ARHGEF17: variants seen among roughly 807,000 people sequenced by gnomAD.
The protein encoded by ARHGEF17 is 164 kDa Rho-specific guanine-nucleotide exchange factor.
In ARHGEF17, 80 loss-of-function variants were observed where a neutral mutation model predicts 174.0. The ratio of observed to expected loss-of-function variants is 0.46; its 90% CI spans 0.38 to 0.55. The LOEUF (loss-of-function observed/expected upper bound fraction) is 0.55, where lower values mean the gene tolerates loss of function less well. Ranked by LOEUF, ARHGEF17 falls within the 20% of genes least tolerant of loss-of-function variation. The pLI is 0.00. For missense variants in ARHGEF17, 2,886 were observed against 2,839.7 expected (o/e 1.02, Z -0.37); for synonymous variants, 1,311 against 1,189.1 (o/e 1.10, Z -2.11).
intron 2 of ARHGEF17, among the ~76,000 whole-genome samples, chr11:73,349,973 C>G (rs1865526523): frequency 6.6e-6 from 1 of 152,200 alleles, no homozygotes; most frequent in South Asian, 2.1e-4. Context: ...GGCTCCATCT[C>G]CTGGCCAGCT....
In ARHGEF17 at chr11:73,364,232, G is replaced by C. The variant is rs1404211422; in HGVS notation, c.5394G>C (p.Arg1798Ser). The C allele has an allele frequency of 6.2e-7, 1 of 1,614,154 alleles. No individual in the cohort carries two copies. The highest frequency in any genetic ancestry group is 1.6e-4 in the Middle Eastern group (1 of 6,062). ...ATGGAGAGCTTGTGGTCTACCAAAG[G>C]GAAGCAGGTGAGTATCTGCCCTCCC... is the stretch of plus-strand genomic sequence containing the variant. ...LANGELVVYQREAGHFWDPQN... is the reference protein window; with the variant it reads ...LANGELVVYQSEAGHFWDPQN... The change falls in exon 17 of 21, where the codon AGG becomes AGC. Residue 1798 changes from arginine (R) to serine (S), a missense_variant. Arg to Ser is a moderately radical substitution (Grantham distance 110). Coordinates refer to ENST00000263674, the MANE Select transcript of ARHGEF17 (RefSeq NM_014786.4).
intron 6 of ARHGEF17, 135 bp from the exon 7 acceptor site, chr11:73,356,574 G>A (rs1337000707): frequency 7.9e-6 from 10 of 1,265,488 alleles, no homozygotes; most frequent in Admixed American, 2.0e-5. Context: ...GGCAGCACAA[G>A]GGCATTGAGG....
chr11:73,363,430 G>GT lies in ARHGEF17; in HGVS notation c.5222dup (p.Trp1742ValfsTer5). ...CGACCCTGAGGCCTACCAGAGCTCC[G>GT]TGTGGCTGGGCACTGAGGATGGCTG... On this transcript the variant is annotated frameshift_variant, in exon 15 of 21. Transcript: ENST00000263674. LOFTEE classifies it high-confidence loss of function. 6.2e-7 allele frequency: 1 copy of GT among 1,613,194 alleles called. No homozygotes were observed. The highest frequency in any genetic ancestry group is 8.5e-7 in the Non-Finnish European group (1 of 1,179,810).
At position 73,367,941 on chromosome 11, in the gene ARHGEF17, AC is replaced by A; in HGVS notation, c.*164del. Reference sequence around the variant, plus strand: ...TTCGCGGAAGCATTCCTGATGGAACACCCACTGGCCAGCCAGGCCATGGCTT... The same window carrying A: ...TTCGCGGAAGCATTCCTGATGGAACACCACTGGCCAGCCAGGCCATGGCTT... On this transcript the variant is annotated 3_prime_UTR_variant, in exon 21 of 21. Transcript: ENST00000263674. The A allele has an allele frequency of 2.7e-6, 2 of 737,964 alleles. No homozygotes were observed. Among genetic ancestry groups the A allele is most frequent in the Non-Finnish European group, 4.2e-6 (2 of 475,252 alleles). The allele number at this position is 737,964 out of a possible 1,614,324, so 45.7% of individuals were successfully genotyped here. A position where few individuals can be genotyped will look rare whatever the true frequency, so the allele number is the denominator to read the frequency against.
At chr11:73,315,717 C>G (rs1030114455) in intron 1 of ARHGEF17, among the ~76,000 whole-genome samples, 1 of 152,108 alleles carries the variant, frequency 6.6e-6, no homozygotes, top group Non-Finnish European at 1.5e-5. Flanking sequence ...CACATCTCCT[C>G]CCAACTCCTT....
At chr11:73,352,570 T>C (rs1865571716) in intron 2 of ARHGEF17, among the ~76,000 whole-genome samples, 1 of 152,032 alleles carries the variant, frequency 6.6e-6, no homozygotes, top group Admixed American at 6.5e-5. Flanking sequence ...CAAGCTCTGT[T>C]TGTTCATACA....
chr11:73,362,608 G>T lies in ARHGEF17; in HGVS notation c.4870G>T (p.Gly1624Cys). ...GSGLEMTPGL[G>C]EGDPRPELVP... is the part of the protein sequence containing the mutation. ...GGGCTTGGAGATGACGCCGGGCCTCGGCGAGGGTGACCCCCGCCCAGAGCT... is the reference window on the plus strand; with the variant it reads ...GGGCTTGGAGATGACGCCGGGCCTCTGCGAGGGTGACCCCCGCCCAGAGCT... Residue 1624 changes from glycine to cysteine, a missense_variant, in exon 14 of 21, where the codon GGC becomes TGC. Gly to Cys is a radical substitution (Grantham distance 159). Transcript: ENST00000263674. 6.2e-7 allele frequency: 1 copy of T among 1,611,018 alleles called. No individual in the cohort carries two copies. Among genetic ancestry groups the T allele is most frequent in the South Asian group, 1.1e-5 (1 of 91,086 alleles).
chr11:73,367,635 G>T lies in ARHGEF17; in HGVS notation c.6047G>T (p.Gly2016Val). 1 of 1,613,974 alleles carries T rather than the reference G, an allele frequency of 6.2e-7. No homozygotes were observed. The highest frequency in any genetic ancestry group is 8.5e-7 in the Non-Finnish European group (1 of 1,179,968). Residue 2016 changes from glycine to valine, a missense_variant, in exon 21 of 21, where the codon GGC (glycine) becomes GTC (valine). This residue lies in a region of ARHGEF17 where 329 missense variants were observed against 435.2 expected (regional missense o/e 0.76). Transcript: ENST00000263674. ...LEHRDSPWHRGPAPARPKMLV... is the reference protein window; with the variant it reads ...LEHRDSPWHRVPAPARPKMLV... The stretch of plus-strand genomic sequence containing the variant: ...CACCGGGACTCCCCTTGGCACCGAG[G>T]CCCCGCCCCTGCCAGGCCTAAAATG...
Position 73,308,875 on chromosome 11 carries a change from G to A in ARHGEF17, c.237G>A (p.Ser79=). 7.4e-7 allele frequency: 1 copy of A among 1,355,704 alleles called. No individual in the cohort carries two copies. Among genetic ancestry groups the A allele is most frequent in the Non-Finnish European group, 9.4e-7 (1 of 1,060,464 alleles). The allele number at this position is 1,355,704 out of a possible 1,614,324, so 84.0% of individuals were successfully genotyped here. Residue 79 remains serine (S), a synonymous_variant, in exon 1 of 21, where the codon TCG becomes TCA. Transcript: ENST00000263674. ...AGCCGCGCCCGCTCCGCAGCCTCTC[G>A]CCGTCGGTTCGCCAGCTCTCCCGGC... The part of the protein sequence containing the change: ...PAQPRPLRSL[S]PSVRQLSRRF...
intron 1 of ARHGEF17, among the ~76,000 whole-genome samples, chr11:73,340,406 T>C (rs115398546): frequency 1.8e-3 from 269 of 152,262 alleles, no homozygotes; most frequent in African/African-American, 6.2e-3. Context: ...GTTCTTGCCA[T>C]GCCTCCTCCA....
chr11:73,354,978 A>T (rs1265723221), intron 3 of ARHGEF17, among the ~76,000 whole-genome samples: 1 of 152,190 alleles, frequency 6.6e-6, no homozygotes, highest in African/African-American at 2.4e-5. Context: ...GTCCTAGGAG[A>T]TCAGGAGAAG....
At position 73,356,694 on chromosome 11, in the gene ARHGEF17, C is replaced by T. The variant is rs1435555875; in HGVS notation, c.3841-15C>T. 6.2e-7 allele frequency: 1 copy of T among 1,614,064 alleles called. No homozygotes were observed. The highest frequency in any genetic ancestry group is 2.2e-5 in the East Asian group (1 of 44,874). ...TAACTGGCCTTCGAGATGCCTTGTC[C>T]CTCCTGTCCCACAGCTCCAGGCCCC... is the stretch of plus-strand genomic sequence containing the variant. On this transcript the variant is annotated splice_polypyrimidine_tract_variant and intron_variant, in intron 6 of 20. Coordinates refer to ENST00000263674, the MANE Select transcript of ARHGEF17 (RefSeq NM_014786.4).
chr11:73,311,122 G>C lies in ARHGEF17; in HGVS notation c.2484G>C (p.Leu828=). ...IAGKAPKKKS[L]SDPSRRGELA... ...GCAAAGCCCCCAAGAAGAAATCCCT[G>C]AGTGACCCCAGCCGCCGTGGGGAGC... is the stretch of plus-strand genomic sequence containing the variant. Residue 828 remains leucine (L), a synonymous_variant, in exon 1 of 21, where the codon CTG becomes CTC. Transcript: ENST00000263674. 3.1e-6 allele frequency: 5 copies of C among 1,603,260 alleles called. No individual in the cohort carries two copies. Among genetic ancestry groups the C allele is most frequent in the Non-Finnish European group, 4.3e-6 (5 of 1,171,882 alleles).
intron 9 of ARHGEF17, among the ~76,000 whole-genome samples, chr11:73,358,448 C>T (rs1326112897): frequency 2.0e-5 from 3 of 148,142 alleles, no homozygotes; most frequent in East Asian, 1.9e-4. Flanking sequence ...CCCAAAGGTC[C>T]GCCTCTTTTT....
intron 1 of ARHGEF17, among the ~76,000 whole-genome samples, chr11:73,336,402 T>C (rs2134403883): frequency 6.6e-6 from 1 of 152,304 alleles, no homozygotes; most frequent in South Asian, 2.1e-4. Flanking sequence ...CCCAGAGGTC[T>C]AGGAGGGGGC....
intron 1 of ARHGEF17, among the ~76,000 whole-genome samples, chr11:73,329,363 A>T (rs1487226922): frequency 0.083 from 186 of 2,234 alleles, 28 homozygotes; most frequent in African/African-American, 0.14. Flanking sequence ...ATATATATAT[A>T]TATATATATA....
At chr11:73,316,349 A>G (rs1216038777) in intron 1 of ARHGEF17, among the ~76,000 whole-genome samples, 4 of 152,218 alleles carry the variant, frequency 2.6e-5, no homozygotes. Flanking sequence ...GCAGCAAACA[A>G]AACAAAAGCC....
At chr11:73,353,796 G>T (rs754924965) in intron 3 of ARHGEF17, among the ~76,000 whole-genome samples, 1 of 152,108 alleles carries the variant, frequency 6.6e-6, no homozygotes, top group African/African-American at 2.4e-5. Flanking sequence ...AAAGAACATC[G>T]AAAGCAAAAC....
rs115976157 is a variant in ARHGEF17, at chr11:73,324,097, G to A, written c.3192+12267G>A. Among the ~76,000 whole-genome samples, 692 of 152,308 alleles carry A rather than the reference G, an allele frequency of 4.5e-3. 9 individuals carry two copies. Among genetic ancestry groups the A allele is most frequent in the African/African-American group, 0.016 (654 of 41,560 alleles). ...GGACTGGTCTTAGGAAAACGGCCGTGTAGGGCAGAGTCCCCCTCAGCTTCC... is the reference window on the plus strand; with the variant it reads ...GGACTGGTCTTAGGAAAACGGCCGTATAGGGCAGAGTCCCCCTCAGCTTCC... On this transcript the variant is annotated intron_variant, in intron 1 of 20. Coordinates refer to ENST00000263674, the MANE Select transcript of ARHGEF17 (RefSeq NM_014786.4).
Sources: allele counts gnomAD v4.1 joint callset (sites outside exome capture counted in the v4.1 genomes callset), GRCh38; gene constraint gnomAD v4.1.1; regional missense constraint gnomAD v4.1.1; transcripts MANE v1.5; gene names NCBI Gene and HGNC (gene_info 2026-07-23, HGNC 2026-07-21).